Variants in NBPF11 observed in about 807,000 individuals in gnomAD.
NBPF11 encodes NBPF member 11.
A neutral mutation model predicts 93.9 loss-of-function variants in NBPF11; 72 were observed. That is an observed-to-expected ratio of 0.77 (90% CI 0.63 to 0.93). The LOEUF (loss-of-function observed/expected upper bound fraction) is 0.93, where lower values mean the gene tolerates loss of function less well. Ranked by LOEUF, NBPF11 falls within the 40% of genes least tolerant of loss-of-function variation. The pLI, the probability that NBPF11 is intolerant of heterozygous loss-of-function variation, is 0.00. For synonymous variants in NBPF11, 224 were observed against 304.9 expected (o/e 0.73, Z 2.76); for missense variants, 705 against 802.2 (o/e 0.88, Z 1.46).
intron 2 of NBPF11, among the ~76,000 whole-genome samples, chr1:148,142,079 A>AGGGAGGGAAGGC (rs1553276245): frequency 2.8e-5 from 4 of 143,404 alleles, no homozygotes; most frequent in Admixed American, 2.8e-4. Context: ...GAAGAAAGGA[A>AGGGAGGGAAGGC]GGGAGGGAAG....
In NBPF11 at chr1:148,110,381, C is replaced by T. The variant is rs1385617186; in HGVS notation, c.1798G>A (p.Gly600Ser). The T allele has an allele frequency of 3.8e-6, 6 of 1,585,372 alleles. No individual in the cohort carries two copies. The highest frequency in any genetic ancestry group is 5.2e-6 in the Non-Finnish European group (6 of 1,157,160). Residue 600 changes from glycine (G) to serine (S), a missense_variant, in exon 16 of 24, where the codon GGC (glycine) becomes AGC (serine). By Grantham distance (56) the Gly-to-Ser change is moderately conservative. This residue lies in a region of NBPF11 where 8 missense variants were observed against 24.7 expected (regional missense o/e 0.32). Transcript: ENST00000682118. ...EQQVCMAVDI[G>S]RHRWDQVKKE... ...ACCTTCACAATGGAGTACTCACTGC[C>T]TATGTCAACAGCCATGCAGACTTGC...
rs1673174763 is a variant in NBPF11, at chr1:148,146,737, C to G, written c.-548-3051G>C. 7 of 1,612,392 alleles carry G rather than the reference C, an allele frequency of 4.3e-6. No individual in the cohort carries two copies. In the Admixed American group the frequency reaches 1.2e-4, roughly 27 times the overall value. On this transcript the variant is annotated intron_variant, in intron 1 of 23. Transcript: ENST00000682118. ...CGTGCCTGGTGCCAGGTACACGGTCCTCTTCTCGCACGGCAATGCCGTGGA... is the reference window on the plus strand; with the variant it reads ...CGTGCCTGGTGCCAGGTACACGGTCGTCTTCTCGCACGGCAATGCCGTGGA...
chr1:148,124,460 T>C (rs1379356376), intron 6 of NBPF11, among the ~76,000 whole-genome samples: 2 of 146,616 alleles, frequency 1.4e-5, no homozygotes, highest in African/African-American at 2.6e-5. Flanking sequence ...CAGGTGCAGA[T>C]GGGGCGAATT....
intron 7 of NBPF11, among the ~76,000 whole-genome samples, chr1:148,123,614 T>C (rs1385613448): frequency 2.0e-5 from 3 of 151,772 alleles, no homozygotes; most frequent in South Asian, 2.1e-4. Flanking sequence ...AGATAGATGC[T>C]GCCTCTTGCT....
chr1:148,116,841 A>G (rs1234362713), intron 12 of NBPF11, among the ~76,000 whole-genome samples: 11 of 152,036 alleles, frequency 7.2e-5, no homozygotes, highest in Admixed American at 6.5e-4. Context: ...ATCCTGCCAG[A>G]TCTGATTCCC....
intron 16 of NBPF11, 137 bp downstream of exon 16, chr1:148,110,241 G>A (rs1664926039): frequency 1.5e-5 from 16 of 1,043,326 alleles, no homozygotes; most frequent in Admixed American, 5.2e-5. Context: ...CAGAGTGATT[G>A]AAATCTACAT....
intron 2 of NBPF11, among the ~76,000 whole-genome samples, chr1:148,142,574 T>C (rs1672364772): frequency 6.6e-6 from 1 of 152,052 alleles, no homozygotes; most frequent in Admixed American, 6.5e-5. Context: ...CTCCTTGCAC[T>C]GGCTCCCACT....
In NBPF11 at chr1:148,118,660, C is replaced by T. The variant is rs1667134912; in HGVS notation, c.1051G>A (p.Glu351Lys). Reference protein sequence around the residue: ...MLRNERQFKEEKLAEQLKQAE... With the variant: ...MLRNERQFKEKKLAEQLKQAE... The stretch of plus-strand genomic sequence containing the variant: ...TGCTTCAGCTGCTCTGCAAGCTTCT[C>T]CTCCTTGAACTGTCGCTCATTCCTC... The change falls in exon 11 of 24, where the codon GAG (glutamate) becomes AAG (lysine). Residue 351 changes from glutamate (E) to lysine (K), a missense_variant. Glu to Lys is a moderately conservative substitution (Grantham distance 56). Coordinates refer to ENST00000682118, the MANE Select transcript of NBPF11 (RefSeq NM_001385469.3). 1.9e-6 allele frequency: 3 copies of T among 1,613,070 alleles called. No homozygotes were observed. Among genetic ancestry groups the T allele is most frequent in the Non-Finnish European group, 2.5e-6 (3 of 1,179,942 alleles).
At chr1:148,127,703 C>T (rs1261071097) in intron 4 of NBPF11, among the ~76,000 whole-genome samples, 30 of 130,582 alleles carry the variant, frequency 2.3e-4, no homozygotes, top group African/African-American at 5.0e-4. Flanking sequence ...AGTGCAGTGA[C>T]GCGATCTAGG....
At chr1:148,124,168 T>G in intron 6 of NBPF11, 101 bp from the exon 7 acceptor site, 1 of 1,054,396 alleles carries the variant, frequency 9.5e-7, no homozygotes, top group Non-Finnish European at 1.5e-6. Context: ...CAAGGAGACC[T>G]TCAAGCAGAA....
intron 2 of NBPF11, among the ~76,000 whole-genome samples, chr1:148,141,531 G>A (rs1263781940): frequency 4.6e-5 from 7 of 152,036 alleles, no homozygotes; most frequent in Non-Finnish European, 1.0e-4. Context: ...GTGGCATCCT[G>A]TTATTGTTTG....
chr1:148,121,433 C>T (rs1273014528), intron 9 of NBPF11, among the ~76,000 whole-genome samples: 3 of 149,248 alleles, frequency 2.0e-5, no homozygotes, highest in South Asian at 2.1e-4. Flanking sequence ...CTGCAAGATC[C>T]GGTTCCTGGG....
chr1:148,122,335 A>G, intron 8 of NBPF11, 69 bp from the exon 9 acceptor site: 1 of 1,609,598 alleles, frequency 6.2e-7, no homozygotes, highest in Non-Finnish European at 8.5e-7. Flanking sequence ...AAGGAGTCCT[A>G]GCTGGTTTTG....
At chr1:148,132,129 T>C (rs1386251842) in intron 4 of NBPF11, among the ~76,000 whole-genome samples, 21 of 139,728 alleles carry the variant, frequency 1.5e-4, no homozygotes, top group Non-Finnish European at 1.5e-4. Flanking sequence ...CTGCAATATA[T>C]ATATGTGTGT....
At chr1:148,147,585 C>T (rs2149310682) in intron 1 of NBPF11, among the ~76,000 whole-genome samples, 1 of 152,140 alleles carries the variant, frequency 6.6e-6, no homozygotes, top group Non-Finnish European at 1.5e-5. Context: ...TTCCTGCTCG[C>T]CATCCACTGG....
At chr1:148,121,348 C>CTTTTTTTTTTT (rs782740427) in intron 9 of NBPF11, among the ~76,000 whole-genome samples, 10 of 124,874 alleles carry the variant, frequency 8.0e-5, no homozygotes, top group East Asian at 2.6e-4. Flanking sequence ...TGGTCAGAGA[C>CTTTTTTTTTTT]TTTTTTTTTT....
intron 4 of NBPF11, among the ~76,000 whole-genome samples, chr1:148,133,585 C>A (rs1138911): frequency 0.012 from 1,806 of 151,924 alleles, 60 homozygotes; most frequent in African/African-American, 0.04. Flanking sequence ...TGTGTATGAC[C>A]ACGTAATCAT....
Position 148,103,422 on chromosome 1 carries a change from A to C in NBPF11, c.*474T>G. ...CCCAGAGATACGTGGTTCAAATTAAAATGTCCGACTGATCACTCCCGGCAT... is the reference window on the plus strand; with the variant it reads ...CCCAGAGATACGTGGTTCAAATTAACATGTCCGACTGATCACTCCCGGCAT... On this transcript the variant is annotated 3_prime_UTR_variant, in exon 24 of 24. Coordinates refer to ENST00000682118, the MANE Select transcript of NBPF11 (RefSeq NM_001385469.3). 1.7e-6 allele frequency: 1 copy of C among 598,144 alleles called. No individual in the cohort carries two copies. The highest frequency in any genetic ancestry group is 2.8e-6 in the Non-Finnish European group (1 of 358,206). 37.1% of individuals were successfully genotyped at this position (598,144 alleles called of 1,614,324 possible).
intron 1 of NBPF11, among the ~76,000 whole-genome samples, chr1:148,149,852 TACTC>T (rs1245652266): frequency 1.3e-5 from 2 of 150,438 alleles, no homozygotes; most frequent in African/African-American, 4.9e-5. Flanking sequence ...CAATAAAAGA[TACTC>T]AATCTCAATA....
Sources: allele counts gnomAD v4.1 joint callset (sites outside exome capture counted in the v4.1 genomes callset), GRCh38; gene constraint gnomAD v4.1.1; regional missense constraint gnomAD v4.1.1; transcripts MANE v1.5; gene names NCBI Gene and HGNC (gene_info 2026-07-23, HGNC 2026-07-21).